CDH13: variants seen among roughly 807,000 people sequenced by gnomAD.
CDH13 encodes cadherin 13, also known as cadherin-13.
CDH13 carries 24 observed loss-of-function variants against 63.8 expected under a neutral mutation model. The observed-to-expected ratio is 0.38, with a 90% confidence interval of 0.27 to 0.53. The LOEUF (loss-of-function observed/expected upper bound fraction) is 0.53, where lower values mean the gene tolerates loss of function less well. CDH13 is among the 20% of genes least tolerant of loss of function. CDH13 has a pLI of 0.85. For missense variants in CDH13, 1,049 were observed against 903.1 expected, an observed-to-expected ratio of 1.16 and a Z score of -2.07; for synonymous variants, 503 against 355.3, an observed-to-expected ratio of 1.42 and a Z score of -4.67.
intron 3 of CDH13, among the ~76,000 whole-genome samples, chr16:83,101,170 T>C (rs2034460251): frequency 6.6e-6 from 1 of 151,492 alleles, no homozygotes; most frequent in African/African-American, 2.4e-5. Flanking sequence ...TATTTATATA[T>C]CATTTGTCTC....
chr16:83,590,013 A>C lies in CDH13; in HGVS notation c.961-12441A>C, dbSNP rs116034291. ...CAAGCTGCAGAGATGCGGAGGAGTG[A>C]AAAAGCCTAAGAAGGTATGAATTAC... On this transcript the variant is annotated intron_variant, in intron 7 of 13. Coordinates refer to ENST00000567109, the MANE Select transcript of CDH13 (RefSeq NM_001257.5). Among the ~76,000 whole-genome samples, 877 of 152,304 alleles carry C rather than the reference A, an allele frequency of 5.8e-3. 8 individuals carry two copies. The highest frequency in any genetic ancestry group is 0.02 in the African/African-American group (844 of 41,560).
intron 7 of CDH13, among the ~76,000 whole-genome samples, chr16:83,552,387 G>A (rs1241362074): frequency 6.6e-6 from 1 of 152,204 alleles, no homozygotes; most frequent in Non-Finnish European, 1.5e-5. Context: ...GGTAACTCCT[G>A]TAACTGTCAG....
intron 1 of CDH13, among the ~76,000 whole-genome samples, chr16:82,838,047 C>G (rs189319157): frequency 2.6e-5 from 4 of 152,200 alleles, no homozygotes; most frequent in African/African-American, 9.7e-5. Context: ...TGTTAACCAA[C>G]CTGACATTCC....
Position 83,129,811 on chromosome 16 carries a change from G to A in CDH13, c.483+4310G>A, listed in dbSNP as rs747993249. Among the ~76,000 whole-genome samples the A allele has an allele frequency of 4.5e-4, 69 of 152,332 alleles. 1 individual carries two copies. Among genetic ancestry groups the A allele is most frequent in the Non-Finnish European group, 8.1e-4 (55 of 68,034 alleles). ...CTGCACTGAAAAGCTGACACATAGAGGATGTGGACAGGGCACTGATCCCTT... is the reference window on the plus strand; with the variant it reads ...CTGCACTGAAAAGCTGACACATAGAAGATGTGGACAGGGCACTGATCCCTT... On this transcript the variant is annotated intron_variant, in intron 4 of 13. Transcript: ENST00000567109.
At chr16:82,812,939 G>A (rs749349458) in intron 1 of CDH13, among the ~76,000 whole-genome samples, 1 of 152,036 alleles carries the variant, frequency 6.6e-6, no homozygotes, top group Non-Finnish European at 1.5e-5. Context: ...ATGGCATAAA[G>A]CTTCTGAGAA....
intron 4 of CDH13, among the ~76,000 whole-genome samples, chr16:83,176,025 T>G (rs562199721): frequency 5.3e-4 from 80 of 151,814 alleles, no homozygotes; most frequent in East Asian, 7.8e-4. Context: ...TTTTGTTTTT[T>G]TTTCAGTAGA....
At chr16:83,545,188 A>G (rs1256548696) in intron 7 of CDH13, among the ~76,000 whole-genome samples, 1 of 152,222 alleles carries the variant, frequency 6.6e-6, no homozygotes, top group South Asian at 2.1e-4. Context: ...GTTAAATCCC[A>G]CATGACCCTT....
intron 6 of CDH13, among the ~76,000 whole-genome samples, chr16:83,445,032 CTAGTTAAT>C (rs564694245): frequency 6.6e-6 from 1 of 152,082 alleles, no homozygotes; most frequent in Non-Finnish European, 1.5e-5. Flanking sequence ...TGAGGCCATG[CTAGTTAAT>C]TAAGACTTTG....
At chr16:83,456,732 C>T (rs780968204) in intron 6 of CDH13, among the ~76,000 whole-genome samples, 8 of 152,206 alleles carry the variant, frequency 5.3e-5, no homozygotes, top group East Asian at 1.9e-4. Context: ...GAGGCCAAGG[C>T]GGGCAGATCA....
intron 5 of CDH13, among the ~76,000 whole-genome samples, chr16:83,337,001 T>C (rs941054473): frequency 6.6e-6 from 1 of 152,222 alleles, no homozygotes; most frequent in Non-Finnish European, 1.5e-5. Context: ...TGGCTGAAGA[T>C]GAGAGGATGA....
At chr16:83,019,001 A>G (rs1017298800) in intron 2 of CDH13, among the ~76,000 whole-genome samples, 6 of 152,228 alleles carry the variant, frequency 3.9e-5, no homozygotes, top group African/African-American at 1.4e-4. Context: ...GGCCTAGGAC[A>G]TTACTGTGCA....
chr16:83,286,221 C>G (rs2089308718), intron 5 of CDH13, among the ~76,000 whole-genome samples: 1 of 152,208 alleles, frequency 6.6e-6, no homozygotes, highest in Non-Finnish European at 1.5e-5. Flanking sequence ...CTTCACTCTT[C>G]CCACATCAGC....
At chr16:83,438,471 A>T (rs1055056556) in intron 6 of CDH13, among the ~76,000 whole-genome samples, 2 of 152,236 alleles carry the variant, frequency 1.3e-5, no homozygotes, top group African/African-American at 4.8e-5. Context: ...GCCCGGTCAC[A>T]GTTGTCTCTT....
At chr16:83,034,794 A>C (rs1030280833) in intron 3 of CDH13, among the ~76,000 whole-genome samples, 1 of 152,202 alleles carries the variant, frequency 6.6e-6, no homozygotes, top group East Asian at 1.9e-4. Flanking sequence ...TGGGTTCATT[A>C]TGAAAACTCA....
At chr16:82,681,547 T>G (rs539073247) in intron 1 of CDH13, among the ~76,000 whole-genome samples, 4 of 152,272 alleles carry the variant, frequency 2.6e-5, no homozygotes, top group African/African-American at 9.6e-5. Flanking sequence ...TCTCTCATAA[T>G]GTTTGTTTGC....
intron 5 of CDH13, among the ~76,000 whole-genome samples, chr16:83,320,675 T>TG (rs2090203345): frequency 3.3e-5 from 5 of 152,052 alleles, no homozygotes; most frequent in Admixed American, 3.3e-4. Context: ...GTGCTGCAAG[T>TG]CAAAAAAGGA....
At chr16:82,694,967 T>C (rs999564418) in intron 1 of CDH13, among the ~76,000 whole-genome samples, 1 of 151,918 alleles carries the variant, frequency 6.6e-6, no homozygotes, top group Non-Finnish European at 1.5e-5. Flanking sequence ...GGAGCTAAGA[T>C]TTGAAGGAAA....
intron 7 of CDH13, among the ~76,000 whole-genome samples, chr16:83,582,922 C>T (rs1230767112): frequency 6.6e-6 from 1 of 152,184 alleles, no homozygotes; most frequent in African/African-American, 2.4e-5. Flanking sequence ...TTGTTAACTT[C>T]CTAGGGATCC....
chr16:82,758,185 C>T (rs936146190), intron 1 of CDH13, among the ~76,000 whole-genome samples: 4 of 151,948 alleles, frequency 2.6e-5, no homozygotes, highest in Admixed American at 6.6e-5. Flanking sequence ...GCAATACTCA[C>T]CTGGTATTTT....
Sources: gnomAD v4.1 joint callset for allele counts (sites outside exome capture counted in the v4.1 genomes callset) on GRCh38, gnomAD v4.1.1 for gene constraint, MANE v1.5 for transcripts, NCBI Gene and HGNC (gene_info 2026-07-23, HGNC 2026-07-21) for gene names.